The following RAB2A variants were observed in gnomAD, a reference collection of about 807,000 sequenced individuals.
The protein encoded by RAB2A is ras-related protein Rab-2A.
RAB2A carries 7 observed loss-of-function variants against 32.5 expected under a neutral mutation model. That is an observed-to-expected ratio of 0.22 (90% CI 0.12 to 0.40). The LOEUF (loss-of-function observed/expected upper bound fraction) is 0.40, where lower values mean the gene tolerates loss of function less well. Among genes scored for constraint, RAB2A ranks in the 10% least tolerant of loss-of-function variants. RAB2A has a pLI of 1.00. For missense variants in RAB2A, 108 were observed against 260.7 expected (o/e 0.41, Z 4.03); for synonymous variants, 79 against 85.2 (o/e 0.93, Z 0.40).
intron 2 of RAB2A, among the ~76,000 whole-genome samples, chr8:60,566,976 A>T (rs888673360): frequency 3.9e-5 from 6 of 152,098 alleles, no homozygotes; most frequent in African/African-American, 1.4e-4. Flanking sequence ...TTTAATCCCT[A>T]TATAGCTTGT....
At chr8:60,549,859 C>T (rs989395520) in intron 1 of RAB2A, among the ~76,000 whole-genome samples, 9 of 150,444 alleles carry the variant, frequency 6.0e-5, no homozygotes, top group Non-Finnish European at 3.0e-5. Context: ...TAAATCCAGG[C>T]TTTCTATTCG....
chr8:60,597,827 A>G (rs1267797864), intron 6 of RAB2A, among the ~76,000 whole-genome samples: 1 of 152,230 alleles, frequency 6.6e-6, no homozygotes, highest in African/African-American at 2.4e-5. Context: ...CAAGTTACCA[A>G]TTATCAGTAA....
chr8:60,547,382 A>G (rs1345147159), intron 1 of RAB2A, among the ~76,000 whole-genome samples: 2 of 152,130 alleles, frequency 1.3e-5, no homozygotes, highest in African/African-American at 4.8e-5. Context: ...CGCCATTGTC[A>G]TCATGGCCCG....
chr8:60,582,191 C>G (rs1435259793), intron 3 of RAB2A, among the ~76,000 whole-genome samples: 1 of 152,122 alleles, frequency 6.6e-6, no homozygotes, highest in African/African-American at 2.4e-5. Context: ...TCAAGCAATA[C>G]TCCTGCCTCA....
chr8:60,517,184 C>G lies in RAB2A; in HGVS notation c.-24C>G. 1 of 1,486,522 alleles carries G rather than the reference C, an allele frequency of 6.7e-7. No homozygotes were observed. The highest frequency in any genetic ancestry group is 9.0e-7 in the Non-Finnish European group (1 of 1,116,840). The allele number at this position is 1,486,522 out of a possible 1,614,324, so 92.1% of individuals were successfully genotyped here. ...CAGCAGCGGGAGGAGGAGCCGTGTGCCCTGGCACTGAGCGGCCGCGGCCAT... is the reference window on the plus strand; with the variant it reads ...CAGCAGCGGGAGGAGGAGCCGTGTGGCCTGGCACTGAGCGGCCGCGGCCAT... On this transcript the variant is annotated 5_prime_UTR_variant, in exon 1 of 8. Coordinates refer to ENST00000262646, the MANE Select transcript of RAB2A (RefSeq NM_002865.3).
chr8:60,570,868 G>T (rs992789285), intron 2 of RAB2A, among the ~76,000 whole-genome samples: 12 of 152,174 alleles, frequency 7.9e-5, no homozygotes, highest in Admixed American at 7.2e-4. Flanking sequence ...GGGAGATGCT[G>T]AACTGGAATT....
At position 60,548,717 on chromosome 8, in the gene RAB2A, C is replaced by T. The variant is rs1438344685; in HGVS notation, c.47-10135C>T. ...CTCCTCACTTCCCAGTAGGGGCAGCCGGGCAGAGGCACCCCTCACCTGCCG... is the reference window on the plus strand; with the variant it reads ...CTCCTCACTTCCCAGTAGGGGCAGCTGGGCAGAGGCACCCCTCACCTGCCG... On this transcript the variant is annotated intron_variant, in intron 1 of 7. Transcript: ENST00000262646. Among the ~76,000 whole-genome samples the T allele has an allele frequency of 6.6e-4, 85 of 128,602 alleles. 1 individual carries two copies. Among genetic ancestry groups the T allele is most frequent in the African/African-American group, 2.4e-3 (78 of 32,022 alleles). 84.4% of individuals were successfully genotyped at this position (128,602 alleles called of 152,430 possible).
chr8:60,524,635 C>G (rs1807351249), intron 1 of RAB2A, among the ~76,000 whole-genome samples: 1 of 152,156 alleles, frequency 6.6e-6, no homozygotes, highest in South Asian at 2.1e-4. Context: ...ATAGTAGCCC[C>G]CTTTTAATTT....
intron 6 of RAB2A, among the ~76,000 whole-genome samples, chr8:60,611,436 G>GGGCT (rs1307343358): frequency 6.6e-6 from 1 of 152,128 alleles, no homozygotes; most frequent in African/African-American, 2.4e-5. Flanking sequence ...TTCACTTGCA[G>GGGCT]GGCTTTTCTC....
Position 60,591,982 on chromosome 8 carries a change from C to G in RAB2A, c.474+13C>G. ...CAATGTAGAAGAGGTAAATAAGAGGCCCTTTAAAATCTTCATCTTTATACT... is the reference window on the plus strand; with the variant it reads ...CAATGTAGAAGAGGTAAATAAGAGGGCCTTTAAAATCTTCATCTTTATACT... On this transcript the variant is annotated intron_variant, in intron 6 of 7. Coordinates refer to ENST00000262646, the MANE Select transcript of RAB2A (RefSeq NM_002865.3). The G allele has an allele frequency of 6.8e-7, 1 of 1,473,256 alleles. No individual in the cohort carries two copies. The highest frequency in any genetic ancestry group is 1.4e-5 in the African/African-American group (1 of 70,956). 91.3% of individuals were successfully genotyped at this position (1,473,256 alleles called of 1,614,324 possible).
At position 60,567,004 on chromosome 8, in the gene RAB2A, TAAATA is replaced by T. The variant is rs1303722394; in HGVS notation, c.119-5040_119-5036del. On this transcript the variant is annotated intron_variant, in intron 2 of 7. Coordinates refer to ENST00000262646, the MANE Select transcript of RAB2A (RefSeq NM_002865.3). ...TAGCTTGTGGCCTCACACCATTAAT[TAAATA>T]AGCCATTCATTCTTGTCCTAATACC... Among the ~76,000 whole-genome samples the T allele has an allele frequency of 3.9e-5, 6 of 152,336 alleles. No individual in the cohort carries two copies. In the Middle Eastern group the frequency reaches 0.01, roughly 259 times the overall value.
chr8:60,603,577 G>A (rs561570804), intron 6 of RAB2A, among the ~76,000 whole-genome samples: 45 of 152,244 alleles, frequency 3.0e-4, no homozygotes, highest in Non-Finnish European at 5.1e-4. Context: ...GAATTATCTC[G>A]TCCAAAATGT....
In RAB2A at chr8:60,586,515, A is replaced by AT. The variant is rs533381330; in HGVS notation, c.362+1701dup. On this transcript the variant is annotated intron_variant, in intron 5 of 7. Coordinates refer to ENST00000262646, the MANE Select transcript of RAB2A (RefSeq NM_002865.3). ...GAAAGAAAGGTTGACATCACTATAG[A>AT]TAAAAAAAAGAGAGAGAATATTGTA... 4.3e-3 allele frequency among the ~76,000 whole-genome samples: 657 copies of AT among 152,300 alleles called. 1 individual carries two copies. Among genetic ancestry groups the AT allele is most frequent in the Non-Finnish European group, 7.2e-3 (493 of 68,028 alleles).
rs1048324744 is a variant in RAB2A at position 60,617,838 on chromosome 8, C to T, written c.475-742C>T. ...TCTAATTCCAGAACATTTTAGTTACCCCAAAAAGAAACCTCATACTCATTA... is the reference window on the plus strand; with the variant it reads ...TCTAATTCCAGAACATTTTAGTTACTCCAAAAAGAAACCTCATACTCATTA... On this transcript the variant is annotated intron_variant, in intron 6 of 7. Coordinates refer to ENST00000262646, the MANE Select transcript of RAB2A (RefSeq NM_002865.3). 6.4e-4 allele frequency among the ~76,000 whole-genome samples: 97 copies of T among 152,130 alleles called. 1 individual carries two copies. Among genetic ancestry groups the T allele is most frequent in the Admixed American group, 6.4e-3 (97 of 15,258 alleles).
chr8:60,595,300 A>G (rs1804004659), intron 6 of RAB2A, among the ~76,000 whole-genome samples: 1 of 152,248 alleles, frequency 6.6e-6, no homozygotes, highest in African/African-American at 2.4e-5. Context: ...TGTATTCCAC[A>G]ATATTATAAG....
At chr8:60,524,965 A>T (rs925901940) in intron 1 of RAB2A, among the ~76,000 whole-genome samples, 1 of 152,234 alleles carries the variant, frequency 6.6e-6, no homozygotes, top group African/African-American at 2.4e-5. Context: ...GCAGATTCTC[A>T]TGAGTAATCC....
chr8:60,614,920 T>G (rs1010665023), intron 6 of RAB2A, among the ~76,000 whole-genome samples: 1 of 152,164 alleles, frequency 6.6e-6, no homozygotes, highest in Admixed American at 6.6e-5. Context: ...ACCGGCCACA[T>G]GGGGAAGCAG....
intron 5 of RAB2A, among the ~76,000 whole-genome samples, chr8:60,591,290 GTC>G (rs892105163): frequency 6.7e-6 from 1 of 149,390 alleles, no homozygotes; most frequent in African/African-American, 2.5e-5. Context: ...CTCCTTTTCT[GTC>G]TCTCTCTACT....
chr8:60,622,233 C>T lies in RAB2A; in HGVS notation c.*1464C>T, dbSNP rs1376071296. 1 of 152,298 alleles carries T rather than the reference C, an allele frequency of 6.6e-6. No homozygotes were observed. Among genetic ancestry groups the T allele is most frequent in the Non-Finnish European group, 1.5e-5 (1 of 68,010 alleles). 9.4% of individuals were successfully genotyped at this position (152,298 alleles called of 1,614,324 possible). A position where few individuals can be genotyped will look rare whatever the true frequency, so the allele number is the denominator to read the frequency against. ...TGAACTAGCACAAAAGCACTTATGC[C>T]TGAAAGAAAGCATAAAGAAGTTCTA... On this transcript the variant is annotated 3_prime_UTR_variant, in exon 8 of 8. Transcript: ENST00000262646.
Sources: allele counts gnomAD v4.1 joint callset (sites outside exome capture counted in the v4.1 genomes callset), GRCh38; gene constraint gnomAD v4.1.1; transcripts MANE v1.5; gene names NCBI Gene and HGNC (gene_info 2026-07-23, HGNC 2026-07-21).